The following DNAJC5B variants were observed in gnomAD, a reference collection of about 807,000 sequenced individuals.
DNAJC5B encodes dnaJ homolog subfamily C member 5B.
Under a neutral mutation model 24.7 loss-of-function variants are expected in DNAJC5B, and 23 were observed. The observed-to-expected ratio is 0.93, with a 90% CI of 0.67 to 1.32. The LOEUF (loss-of-function observed/expected upper bound fraction) is 1.32. DNAJC5B is among the 40% of genes most tolerant of loss of function. The pLI is 0.00. For synonymous variants in DNAJC5B, 101 were observed against 90.1 expected, an observed-to-expected ratio of 1.12 and a Z score of -0.68; for missense variants, 238 against 240.8, an observed-to-expected ratio of 0.99 and a Z score of 0.08.
intron 5 of DNAJC5B, among the ~76,000 whole-genome samples, chr8:66,089,965 A>G (rs907473496): frequency 1.4e-4 from 21 of 152,124 alleles, no homozygotes; most frequent in African/African-American, 4.6e-4. Flanking sequence ...TCTTGGGGGA[A>G]CCCTTCCCCA....
At chr8:66,071,665 A>G (rs935062432) in intron 3 of DNAJC5B, among the ~76,000 whole-genome samples, 1 of 152,232 alleles carries the variant, frequency 6.6e-6, no homozygotes, top group African/African-American at 2.4e-5. Flanking sequence ...ATCTAGAACT[A>G]GAAATACCAT....
intron 2 of DNAJC5B, among the ~76,000 whole-genome samples, chr8:66,048,146 G>T (rs942487667): frequency 9.9e-5 from 15 of 152,162 alleles, no homozygotes; most frequent in African/African-American, 3.6e-4. Flanking sequence ...CCACCCAGCT[G>T]CTCACCCTCA....
chr8:66,017,251 A>G (rs1009277314), upstream of DNAJC5B, among the ~76,000 whole-genome samples: 1 of 152,322 alleles, frequency 6.6e-6, no homozygotes, highest in South Asian at 2.1e-4. Flanking sequence ...AGAGCATTCA[A>G]CTCAAACGAC....
chr8:66,076,753 T>G lies in DNAJC5B; in HGVS notation c.213T>G (p.Leu71=). ...AAATCAACAACGCCCACGCAATACTTACCGACATTTCAAAGAGAAGCATAT... is the reference window on the plus strand; with the variant it reads ...AAATCAACAACGCCCACGCAATACTGACCGACATTTCAAAGAGAAGCATAT... ...FKEINNAHAI[L]TDISKRSIYD... Residue 71 remains leucine, a synonymous_variant, in exon 4 of 6, where the codon CTT becomes CTG. Coordinates refer to ENST00000276570, the MANE Select transcript of DNAJC5B (RefSeq NM_033105.6). The G allele has an allele frequency of 6.2e-7, 1 of 1,614,184 alleles. No homozygotes were observed. Among genetic ancestry groups the G allele is most frequent in the Non-Finnish European group, 8.5e-7 (1 of 1,180,020 alleles).
At chr8:66,037,442 T>C (rs1806512847) in intron 1 of DNAJC5B, among the ~76,000 whole-genome samples, 1 of 152,102 alleles carries the variant, frequency 6.6e-6, no homozygotes, top group African/African-American at 2.4e-5. Context: ...AGAGACCACG[T>C]GGGAGAGGTG....
Position 66,087,389 on chromosome 8 carries a change from C to T in DNAJC5B, c.505+6841C>T, listed in dbSNP as rs113450657. On this transcript the variant is annotated intron_variant, in intron 5 of 5. Transcript: ENST00000276570. ...AATTTGAGATAAAATTTGATAGGGA[C>T]GCAGAGCCAAACCATATCATTCTGC... 7.0e-3 allele frequency among the ~76,000 whole-genome samples: 1,072 copies of T among 152,242 alleles called. 11 individuals carry two copies. Among genetic ancestry groups the T allele is most frequent in the African/African-American group, 0.023 (937 of 41,552 alleles).
At chr8:66,068,880 A>G (rs994151115) in intron 3 of DNAJC5B, among the ~76,000 whole-genome samples, 3 of 152,170 alleles carry the variant, frequency 2.0e-5, no homozygotes, top group African/African-American at 7.2e-5. Flanking sequence ...AATTAGACTT[A>G]CAGCTGATTT....
At chr8:66,027,436 C>T (rs1806269543) in intron 1 of DNAJC5B, among the ~76,000 whole-genome samples, 1 of 152,158 alleles carries the variant, frequency 6.6e-6, no homozygotes, top group African/African-American at 2.4e-5. Flanking sequence ...TCATGATGGC[C>T]ACACAAATGG....
intron 3 of DNAJC5B, among the ~76,000 whole-genome samples, chr8:66,067,205 C>G (rs1807239702): frequency 6.7e-6 from 1 of 150,162 alleles, no homozygotes; most frequent in African/African-American, 2.5e-5. Flanking sequence ...TCCCACCGCC[C>G]CCCACCCCCA....
At chr8:66,057,251 CA>C (rs1806986501) in intron 3 of DNAJC5B, 1 of 151,846 alleles carries the variant, frequency 6.6e-6, no homozygotes, top group Non-Finnish European at 1.5e-5. Flanking sequence ...TAGGAATTAA[CA>C]AAAAAGAACC....
At chr8:66,097,198 G>A (rs1222171327) in intron 5 of DNAJC5B, among the ~76,000 whole-genome samples, 1 of 142,366 alleles carries the variant, frequency 7.0e-6, no homozygotes, top group African/African-American at 2.6e-5. Flanking sequence ...TGTTTTTCCT[G>A]TTTCTTTTTT....
intron 2 of DNAJC5B, among the ~76,000 whole-genome samples, chr8:66,049,286 T>C (rs774700005): frequency 9.2e-5 from 14 of 152,250 alleles, no homozygotes; most frequent in Non-Finnish European, 1.5e-4. Flanking sequence ...CCTACTGCAT[T>C]GCCTGTTATA....
At chr8:66,026,227 C>G (rs1352021987) in intron 1 of DNAJC5B, among the ~76,000 whole-genome samples, 1 of 148,518 alleles carries the variant, frequency 6.7e-6, no homozygotes, top group Non-Finnish European at 1.5e-5. Context: ...CTCTGTTTGT[C>G]TGTTGTTGGT....
At chr8:66,084,740 T>C (rs1807683394) in intron 5 of DNAJC5B, among the ~76,000 whole-genome samples, 1 of 152,184 alleles carries the variant, frequency 6.6e-6, no homozygotes, top group African/African-American at 2.4e-5. Context: ...TTGTGTAAAC[T>C]TTTTTGTGTT....
At chr8:66,033,872 G>A (rs1326727652) in intron 1 of DNAJC5B, among the ~76,000 whole-genome samples, 3 of 151,254 alleles carry the variant, frequency 2.0e-5, no homozygotes, top group African/African-American at 7.3e-5. Flanking sequence ...CACCCTAGAG[G>A]TGGAAAGAGA....
At chr8:66,068,905 C>T (rs1250627976) in intron 3 of DNAJC5B, among the ~76,000 whole-genome samples, 2 of 152,054 alleles carry the variant, frequency 1.3e-5, no homozygotes, top group African/African-American at 2.4e-5. Context: ...ACCAAGGTAA[C>T]AGAAGCCAGA....
chr8:66,022,347 G>A (rs951941185), intron 1 of DNAJC5B, among the ~76,000 whole-genome samples: 2 of 152,186 alleles, frequency 1.3e-5, no homozygotes, highest in Admixed American at 6.5e-5. Flanking sequence ...TGACGGCAAA[G>A]AACTGTTCTG....
At chr8:66,050,140 T>C (rs1223723654) in intron 2 of DNAJC5B, among the ~76,000 whole-genome samples, 1 of 152,176 alleles carries the variant, frequency 6.6e-6, no homozygotes, top group African/African-American at 2.4e-5. Context: ...CACATTCAAC[T>C]TAAAGGCAGA....
At chr8:66,078,343 CCCTG>C (rs1563606825) in intron 4 of DNAJC5B, among the ~76,000 whole-genome samples, 2 of 152,114 alleles carry the variant, frequency 1.3e-5, no homozygotes, top group African/African-American at 2.4e-5. Flanking sequence ...ATCAGAATGG[CCCTG>C]CACGTAGCAA....
Sources: allele counts gnomAD v4.1 joint callset (sites outside exome capture counted in the v4.1 genomes callset), GRCh38; gene constraint gnomAD v4.1.1; transcripts MANE v1.5; gene names NCBI Gene and HGNC (gene_info 2026-07-23, HGNC 2026-07-21).